The following ABCB1 variants were observed in gnomAD, a reference collection of about 807,000 sequenced individuals.
ABCB1 encodes the protein ATP binding cassette subfamily B member 1.
ABCB1 carries 69 observed loss-of-function variants against 142.0 expected under a neutral mutation model. The observed-to-expected ratio is 0.49, with a 90% confidence interval of 0.40 to 0.59. The LOEUF (loss-of-function observed/expected upper bound fraction) is 0.59. Ranked by LOEUF, ABCB1 falls within the 20% of genes least tolerant of loss-of-function variation. ABCB1 has a pLI of 0.00. For synonymous variants in ABCB1, 532 were observed against 539.2 expected (o/e 0.99, Z 0.18); for missense variants, 1,326 against 1,554.7 (o/e 0.85, Z 2.47).
At chr7:87,651,869 C>T (rs1013721612) in intron 1 of ABCB1, among the ~76,000 whole-genome samples, 15 of 152,066 alleles carry the variant, frequency 9.9e-5, no homozygotes, top group Non-Finnish European at 2.1e-4. Flanking sequence ...TCATTTATCC[C>T]TCTGCAATTT....
upstream of ABCB1, among the ~76,000 whole-genome samples, chr7:87,604,931 T>G (rs1435474819): frequency 3.9e-5 from 6 of 152,192 alleles, no homozygotes; most frequent in African/African-American, 1.4e-4. Flanking sequence ...ATTATTAATG[T>G]TTCATATGAT....
At chr7:87,617,900 C>T (rs751419592) in intron 1 of ABCB1, among the ~76,000 whole-genome samples, 1 of 152,180 alleles carries the variant, frequency 6.6e-6, no homozygotes, top group South Asian at 2.1e-4. Context: ...TTCTGTCTAG[C>T]CATACTCTCC....
At chr7:87,571,542 T>C (rs1818058283) in intron 4 of ABCB1, among the ~76,000 whole-genome samples, 1 of 152,046 alleles carries the variant, frequency 6.6e-6, no homozygotes, top group African/African-American at 2.4e-5. Context: ...GAGGAAGAAG[T>C]TACAGGACTT....
At chr7:87,652,318 G>A (rs1823656104) in intron 1 of ABCB1, among the ~76,000 whole-genome samples, 1 of 152,024 alleles carries the variant, frequency 6.6e-6, no homozygotes, top group African/African-American at 2.4e-5. Flanking sequence ...ATGCCAAGTG[G>A]TTGGGTAGAC....
chr7:87,705,360 A>G (rs1777915189), intron 1 of ABCB1, among the ~76,000 whole-genome samples: 1 of 152,190 alleles, frequency 6.6e-6, no homozygotes, highest in Non-Finnish European at 1.5e-5. Flanking sequence ...CAGGAGGCAG[A>G]GGTTGCAGTG....
intron 8 of ABCB1, among the ~76,000 whole-genome samples, chr7:87,560,184 G>T (rs1246829129): frequency 6.6e-6 from 1 of 152,098 alleles, no homozygotes; most frequent in Non-Finnish European, 1.5e-5. Context: ...CATTAAGCAG[G>T]ACTCCTCATT....
intron 25 of ABCB1, among the ~76,000 whole-genome samples, chr7:87,510,141 T>C (rs566170262): frequency 6.6e-6 from 1 of 152,336 alleles, no homozygotes; most frequent in East Asian, 1.9e-4. Context: ...ACTGAATTTG[T>C]GGCAAGTGGT....
chr7:87,550,853 G>A lies in ABCB1; in HGVS notation c.1000-15C>T, dbSNP rs1817033066. On this transcript the variant is annotated splice_polypyrimidine_tract_variant and intron_variant, in intron 9 of 27. Transcript: ENST00000622132. Reference sequence around the variant, plus strand: ...GAAAAGAATACCTGAGGAATGTGAAGAAAAACCATCAGGCTACTGAGATAG... The same window carrying A: ...GAAAAGAATACCTGAGGAATGTGAAAAAAAACCATCAGGCTACTGAGATAG... 9.2e-6 allele frequency: 14 copies of A among 1,525,826 alleles called. No homozygotes were observed. The highest frequency in any genetic ancestry group is 1.3e-5 in the Non-Finnish European group (14 of 1,099,940). The allele number at this position is 1,525,826 out of a possible 1,614,324, so 94.5% of individuals were successfully genotyped here. A position where few individuals can be genotyped will look rare whatever the true frequency, so the allele number is the denominator to read the frequency against.
At chr7:87,532,858 G>C (rs760726510) in intron 20 of ABCB1, among the ~76,000 whole-genome samples, 2 of 151,938 alleles carry the variant, frequency 1.3e-5, no homozygotes, top group Admixed American at 6.6e-5. Context: ...GTCTGCATCG[G>C]GACCCCTTTC....
intron 2 of ABCB1, 101 bp downstream of exon 2, chr7:87,600,016 T>G: frequency 1.6e-6 from 2 of 1,212,756 alleles, no homozygotes; most frequent in Non-Finnish European, 2.4e-6. Context: ...TAAAAATAAT[T>G]AAAAACAACA....
intron 1 of ABCB1, among the ~76,000 whole-genome samples, chr7:87,645,634 A>G (rs1352511662): frequency 1.3e-5 from 2 of 152,194 alleles, no homozygotes; most frequent in Non-Finnish European, 2.9e-5. Flanking sequence ...CAGATGACTA[A>G]TATTAATGTC....
At chr7:87,670,264 T>A (rs1466212382) in intron 1 of ABCB1, among the ~76,000 whole-genome samples, 1 of 152,248 alleles carries the variant, frequency 6.6e-6, no homozygotes, top group Admixed American at 6.5e-5. Context: ...TTTCTTCTGC[T>A]GTCAATACTT....
intron 1 of ABCB1, among the ~76,000 whole-genome samples, chr7:87,649,250 C>A (rs1240081550): frequency 6.6e-6 from 1 of 152,136 alleles, no homozygotes; most frequent in African/African-American, 2.4e-5. Context: ...TATGTTGGGT[C>A]TTGCCATGAT....
chr7:87,682,462 T>C (rs1174322718), intron 1 of ABCB1, among the ~76,000 whole-genome samples: 1 of 152,200 alleles, frequency 6.6e-6, no homozygotes, highest in Non-Finnish European at 1.5e-5. Flanking sequence ...ACTTTTTCAA[T>C]AGTAAGACTT....
At chr7:87,506,342 T>C (rs183674595) in intron 26 of ABCB1, among the ~76,000 whole-genome samples, 1 of 152,360 alleles carries the variant, frequency 6.6e-6, no homozygotes, top group Admixed American at 6.5e-5. Context: ...GATTTCATTA[T>C]ATTTGGGACA....
chr7:87,660,246 G>A (rs564485835), intron 1 of ABCB1, among the ~76,000 whole-genome samples: 1 of 152,152 alleles, frequency 6.6e-6, no homozygotes, highest in South Asian at 2.1e-4. Context: ...GAGTGTATTT[G>A]TGTGTGTACA....
At chr7:87,707,139 G>A (rs777786653) in intron 1 of ABCB1, among the ~76,000 whole-genome samples, 4 of 152,098 alleles carry the variant, frequency 2.6e-5, no homozygotes, top group Non-Finnish European at 4.4e-5. Flanking sequence ...CTGGAGAAAG[G>A]TAGCCTCAGA....
intron 1 of ABCB1, among the ~76,000 whole-genome samples, chr7:87,676,889 C>T (rs991276553): frequency 6.6e-6 from 1 of 152,036 alleles, no homozygotes; most frequent in South Asian, 2.1e-4. Context: ...TATCACTACT[C>T]ATCAGAGAAA....
At chr7:87,700,554 G>A (rs929438114) in intron 1 of ABCB1, 1 of 1,606,638 alleles carries the variant, frequency 6.2e-7, no homozygotes, top group Non-Finnish European at 8.5e-7. Context: ...CTAGAGCTAA[G>A]GTAAGACATT....
Sources: allele counts gnomAD v4.1 joint callset (sites outside exome capture counted in the v4.1 genomes callset), GRCh38; gene constraint gnomAD v4.1.1; transcripts MANE v1.5; gene names NCBI Gene and HGNC (gene_info 2026-07-23, HGNC 2026-07-21).